HMG20A: variants seen among roughly 807,000 people sequenced by gnomAD.
HMG20A encodes high mobility group 20A.
Under a neutral mutation model 43.9 loss-of-function variants are expected in HMG20A, and 17 were observed. The observed-to-expected ratio is 0.39, with a 90% CI of 0.27 to 0.58. The LOEUF (loss-of-function observed/expected upper bound fraction) is 0.58, where lower values mean the gene tolerates loss of function less well. HMG20A is among the 20% of genes least tolerant of loss of function. The pLI is 0.59. For synonymous variants in HMG20A, 132 were observed against 147.5 expected (o/e 0.89, Z 0.76); for missense variants, 341 against 438.2 (o/e 0.78, Z 1.98).
chr15:77,459,500 G>A (rs1354167085), intron 2 of HMG20A, among the ~76,000 whole-genome samples: 1 of 152,164 alleles, frequency 6.6e-6, no homozygotes, highest in African/African-American at 2.4e-5. Context: ...GAAAAAAGTG[G>A]AGAAAAGGGA....
the HMG20A span, among the ~76,000 whole-genome samples, chr15:77,512,385 T>G: frequency 0.024 from 3,685 of 152,124 alleles, 135 homozygotes; most frequent in African/African-American, 0.082. Context: ...ACACTAAAGC[T>G]GTTAAGATGG....
chr15:77,443,781 C>T (rs1217542238), intron 1 of HMG20A, among the ~76,000 whole-genome samples: 1 of 152,084 alleles, frequency 6.6e-6, no homozygotes, highest in Admixed American at 6.6e-5. Flanking sequence ...TAATGGCTCA[C>T]TGCAGCCTCA....
downstream of HMG20A, among the ~76,000 whole-genome samples, chr15:77,486,632 T>C (rs1172384070): frequency 2.2e-4 from 33 of 152,204 alleles, no homozygotes; most frequent in Admixed American, 2.2e-3. Context: ...TACTATGCTT[T>C]TAAAAATCCT....
At position 77,464,326 on chromosome 15, in the gene HMG20A, A is replaced by G. The variant is rs538992863; in HGVS notation, c.176A>G (p.Gln59Arg). Residue 59 changes from glutamine (Q) to arginine (R), a missense_variant, in exon 3 of 10, where the codon CAG becomes CGG. This residue lies in a region of HMG20A where 220 missense variants were observed against 263.6 expected (regional missense o/e 0.83). Transcript: ENST00000336216. ...PEFVEDLSQG[Q>R]LLQSESSNAA... ...TTTGTGGAGGATCTCTCTCAAGGTC[A>G]GTTGCTTCAGAGTGAGTCTTCAAAT... The G allele has an allele frequency of 5.6e-5, 90 of 1,613,900 alleles. No homozygotes were observed. In the South Asian group the frequency reaches 8.8e-4, roughly 16 times the overall value.
intron 2 of HMG20A, among the ~76,000 whole-genome samples, chr15:77,462,772 C>CTTTTTTTTTTTTTTTTTTTTTTTTTTTTT (rs71145836): frequency 7.8e-6 from 1 of 127,788 alleles, no homozygotes; most frequent in Non-Finnish European, 1.6e-5. Context: ...TTTTCTTTTT[C>CTTTTTTTTTTTTTTTTTTTTTTTTTTTTT]TTTTTTTTTT....
At chr15:77,491,495 T>TA in the HMG20A span, among the ~76,000 whole-genome samples, 1 of 152,244 alleles carries the variant, frequency 6.6e-6, no homozygotes, top group African/African-American at 2.4e-5. Context: ...GTATTTTAGA[T>TA]ACATTCATTT....
the HMG20A span, among the ~76,000 whole-genome samples, chr15:77,509,610 T>G: frequency 7.1e-6 from 1 of 140,472 alleles, no homozygotes; most frequent in African/African-American, 2.7e-5. Context: ...GTGTGTGTCT[T>G]AAAGAACTAT....
At chr15:77,495,145 TGGGAAAGG>T in the HMG20A span, among the ~76,000 whole-genome samples, 1 of 152,198 alleles carries the variant, frequency 6.6e-6, no homozygotes, top group South Asian at 2.1e-4. Flanking sequence ...TTAAATCTTC[TGGGAAAGG>T]GGGAAAGGCT....
At chr15:77,480,840 A>G (rs2072900737) in intron 9 of HMG20A, among the ~76,000 whole-genome samples, 1 of 151,288 alleles carries the variant, frequency 6.6e-6, no homozygotes, top group Admixed American at 6.6e-5. Context: ...CCCCTTTACT[A>G]TGCCATCCCA....
At chr15:77,485,967 G>GT (rs1451286480), downstream of HMG20A, among the ~76,000 whole-genome samples, 1 of 152,166 alleles carries the variant, frequency 6.6e-6, no homozygotes, top group African/African-American at 2.4e-5. Flanking sequence ...TTCTATTTCT[G>GT]TTTTTTCCTC....
intron 1 of HMG20A, among the ~76,000 whole-genome samples, chr15:77,431,966 T>C (rs2073489556): frequency 6.6e-6 from 1 of 152,214 alleles, no homozygotes; most frequent in African/African-American, 2.4e-5. Flanking sequence ...AGGATTTCCT[T>C]CCTTTTTTTA....
At chr15:77,493,468 C>T in the HMG20A span, among the ~76,000 whole-genome samples, 6 of 152,110 alleles carry the variant, frequency 3.9e-5, no homozygotes, top group African/African-American at 1.4e-4. Context: ...TTATCACCAG[C>T]CCAAGGATCT....
downstream of HMG20A, among the ~76,000 whole-genome samples, chr15:77,486,204 G>A (rs990556589): frequency 2.0e-5 from 3 of 150,938 alleles, no homozygotes; most frequent in Non-Finnish European, 4.4e-5. Context: ...TGACTCTGAT[G>A]TCCCCTTGAT....
chr15:77,495,285 C>T, the HMG20A span, among the ~76,000 whole-genome samples: 2 of 152,186 alleles, frequency 1.3e-5, no homozygotes, highest in Non-Finnish European at 1.5e-5. Flanking sequence ...TGGTGGCTCA[C>T]GCCTGAAATC....
intron 1 of HMG20A, among the ~76,000 whole-genome samples, chr15:77,456,252 G>T (rs780748779): frequency 7.2e-5 from 11 of 152,142 alleles, no homozygotes; most frequent in Non-Finnish European, 1.5e-4. Flanking sequence ...TGGCATAGTG[G>T]ATGAAAAGAC....
chr15:77,426,387 A>G (rs964320725), intron 1 of HMG20A, among the ~76,000 whole-genome samples: 1 of 152,232 alleles, frequency 6.6e-6, no homozygotes, highest in African/African-American at 2.4e-5. Context: ...TTTATATGTT[A>G]CATGTACTAT....
chr15:77,422,414 G>A (rs1030168770), intron 1 of HMG20A, among the ~76,000 whole-genome samples: 6 of 152,122 alleles, frequency 3.9e-5, no homozygotes, highest in Admixed American at 2.6e-4. Flanking sequence ...TCAGGAGTTC[G>A]AGACCAGCCT....
chr15:77,463,804 C>G (rs114679725), intron 2 of HMG20A, among the ~76,000 whole-genome samples: 1 of 152,212 alleles, frequency 6.6e-6, no homozygotes, highest in East Asian at 1.9e-4. Flanking sequence ...ATTTTTCTTA[C>G]ACCCTTTAAG....
In HMG20A at chr15:77,450,193, G is replaced by A. The variant is rs546105974; in HGVS notation, c.-4-8211G>A. 2.5e-4 allele frequency among the ~76,000 whole-genome samples: 38 copies of A among 151,920 alleles called. 1 individual carries two copies. In the South Asian group the frequency reaches 5.0e-3, roughly 20 times the overall value. ...CGCCCAGGCTGGAGTGCAGTGGCAC[G>A]ATCTCGGCTCACTGCAAGCTCTGCC... On this transcript the variant is annotated intron_variant, in intron 1 of 9. Coordinates refer to ENST00000336216, the MANE Select transcript of HMG20A (RefSeq NM_001304504.2).
Sources: allele counts gnomAD v4.1 joint callset (sites outside exome capture counted in the v4.1 genomes callset), GRCh38; gene constraint gnomAD v4.1.1; regional missense constraint gnomAD v4.1.1; transcripts MANE v1.5; gene names NCBI Gene and HGNC (gene_info 2026-07-23, HGNC 2026-07-21).